WDFY3: variants seen among roughly 807,000 people sequenced by gnomAD.
WDFY3 encodes the protein WD repeat and FYVE domain-containing protein 3.
A neutral mutation model predicts 409.6 loss-of-function variants in WDFY3; 66 were observed. The ratio of observed to expected loss-of-function variants is 0.16; its 90% CI spans 0.13 to 0.20. The LOEUF is 0.20. Ranked by LOEUF, WDFY3 falls within the 10% of genes least tolerant of loss-of-function variation. The pLI is 1.00. For synonymous variants in WDFY3, 1,521 were observed against 1,537.1 expected (o/e 0.99, Z 0.25); for missense variants, 3,031 against 4,298.1 (o/e 0.71, Z 8.24).
rs1774424035 is a variant in WDFY3 at position 84,957,739 on chromosome 4, G to T, written c.-226+8470C>A. Among the ~76,000 whole-genome samples the T allele has an allele frequency of 2.6e-5, 4 of 152,180 alleles. 1 individual carries two copies. The East Asian group carries it at 5.8e-4, about 22-fold the overall frequency. On this transcript the variant is annotated intron_variant, in intron 1 of 67. Coordinates refer to ENST00000295888, the MANE Select transcript of WDFY3 (RefSeq NM_014991.6). ...TAAATAAATCAACTAGTACTTCCTT[G>T]TTCAACCAAATGAAACACATGAAGA...
At chr4:84,851,264 T>C (rs1560923971) in intron 4 of WDFY3, among the ~76,000 whole-genome samples, 2 of 152,122 alleles carry the variant, frequency 1.3e-5, no homozygotes, top group Non-Finnish European at 2.9e-5. Context: ...AAATTCTCTA[T>C]ATTCTAAGGC....
chr4:84,938,810 T>G (rs1424930454), intron 1 of WDFY3, among the ~76,000 whole-genome samples: 5 of 152,114 alleles, frequency 3.3e-5, no homozygotes, highest in African/African-American at 1.2e-4. Context: ...TACACACACA[T>G]GCACACATAC....
chr4:84,782,499 C>T (rs965889335), intron 25 of WDFY3, among the ~76,000 whole-genome samples: 2 of 152,102 alleles, frequency 1.3e-5, no homozygotes, highest in Admixed American at 6.5e-5. Context: ...TTAAGCACCA[C>T]ATGCATTAGG....
Position 84,821,256 on chromosome 4 carries a change from G to C in WDFY3, c.1419C>G (p.Ser473Arg). ...CAATAATGCTACAGTGATAAGAAGAGCTAGATTTTAAGAGGATACTGACAC... is the reference window on the plus strand; with the variant it reads ...CAATAATGCTACAGTGATAAGAAGACCTAGATTTTAAGAGGATACTGACAC... ...LISVSILLKS[S>R]SSYHCSIIAM... is the part of the protein sequence containing the mutation. The change falls in exon 11 of 68, where the codon AGC becomes AGG. Residue 473 changes from serine to arginine, a missense_variant. Physicochemically the swap from Ser to Arg is moderately radical, Grantham distance 110. Coordinates refer to ENST00000295888, the MANE Select transcript of WDFY3 (RefSeq NM_014991.6). 1 of 1,613,736 alleles carries C rather than the reference G, an allele frequency of 6.2e-7. No individual in the cohort carries two copies.
At chr4:84,752,417 G>A (rs1333390367) in intron 35 of WDFY3, among the ~76,000 whole-genome samples, 2 of 151,912 alleles carry the variant, frequency 1.3e-5, no homozygotes, top group Non-Finnish European at 2.9e-5. Context: ...TCAGGAGGGT[G>A]AGGCAGTAGA....
intron 30 of WDFY3, among the ~76,000 whole-genome samples, chr4:84,769,542 G>A (rs1056289484): frequency 1.6e-4 from 24 of 152,156 alleles, no homozygotes; most frequent in African/African-American, 5.8e-4. Flanking sequence ...AGCCTCCCGA[G>A]TAGCTGGGAC....
chr4:84,863,543 G>A (rs1338033516), intron 3 of WDFY3, among the ~76,000 whole-genome samples: 1 of 152,090 alleles, frequency 6.6e-6, no homozygotes, highest in Admixed American at 6.6e-5. Flanking sequence ...ATCTACTCAG[G>A]TGCTTTCTCA....
intron 4 of WDFY3, among the ~76,000 whole-genome samples, chr4:84,850,937 T>G (rs1243089334): frequency 1.8e-5 from 1 of 56,872 alleles, no homozygotes; most frequent in African/African-American, 5.7e-5. Flanking sequence ...TGTTTTTTTT[T>G]TTTTTTTTTT....
At position 84,702,708 on chromosome 4, in the gene WDFY3, A is replaced by AT. The variant is rs201673658; in HGVS notation, c.8443-203dup. On this transcript the variant is annotated intron_variant, in intron 55 of 67. Transcript: ENST00000295888. ...AATCCTTACAGAGGGTTCTCTCTGC[A>AT]TTTGTTTTTATAATCAAACTGAAAT... is the stretch of plus-strand genomic sequence containing the variant. 2.0e-5 allele frequency among the ~76,000 whole-genome samples: 3 copies of AT among 152,226 alleles called. No homozygotes were observed. The East Asian group carries it at 5.8e-4, about 29-fold the overall frequency.
intron 1 of WDFY3, among the ~76,000 whole-genome samples, chr4:84,946,738 T>A (rs114276188): frequency 0.037 from 5,567 of 152,220 alleles, 204 homozygotes; most frequent in Admixed American, 0.11. Flanking sequence ...CTATACATCA[T>A]AAGTCTGCAT....
chr4:84,753,408 A>G (rs1740878378), intron 35 of WDFY3, among the ~76,000 whole-genome samples: 1 of 151,256 alleles, frequency 6.6e-6, no homozygotes, highest in African/African-American at 2.5e-5. Context: ...GCGTAAAATA[A>G]ATGAATCAAC....
chr4:84,837,719 A>G (rs888779157), intron 6 of WDFY3, among the ~76,000 whole-genome samples: 8 of 152,176 alleles, frequency 5.3e-5, no homozygotes, highest in Non-Finnish European at 8.8e-5. Flanking sequence ...GTTAAGTATG[A>G]TATAATATTT....
intron 13 of WDFY3, among the ~76,000 whole-genome samples, chr4:84,816,063 T>C (rs1385299936): frequency 6.6e-6 from 1 of 152,146 alleles, no homozygotes; most frequent in Admixed American, 6.6e-5. Context: ...TTTGATCTCT[T>C]CTTTACTTTT....
chr4:84,705,585 G>A (rs1376144136), intron 53 of WDFY3, 74 bp from the exon 54 acceptor site: 1 of 1,183,890 alleles, frequency 8.4e-7, no homozygotes, highest in African/African-American at 1.5e-5. Flanking sequence ...TACAGTGGCT[G>A]TTGTGGATGA....
intron 66 of WDFY3, 130 bp from the exon 67 acceptor site, chr4:84,677,526 A>G (rs1431001901): frequency 1.4e-5 from 11 of 767,980 alleles, no homozygotes; most frequent in Non-Finnish European, 2.0e-5. Flanking sequence ...AGACCCCTTG[A>G]TTCACTCAGA....
chr4:84,696,682 T>G, intron 57 of WDFY3, 50 bp downstream of exon 57: 1 of 1,579,132 alleles, frequency 6.3e-7, no homozygotes, highest in Non-Finnish European at 8.7e-7. Flanking sequence ...TGTATTATGT[T>G]CAATGACCAA....
intron 54 of WDFY3, among the ~76,000 whole-genome samples, chr4:84,705,004 T>C (rs916918194): frequency 1.3e-5 from 2 of 152,156 alleles, no homozygotes; most frequent in Non-Finnish European, 1.5e-5. Flanking sequence ...TTTTAGAGTA[T>C]AGTAATTTTT....
chr4:84,712,893 GTATT>G (rs1459646097), intron 51 of WDFY3, among the ~76,000 whole-genome samples: 1 of 152,166 alleles, frequency 6.6e-6, no homozygotes, highest in Non-Finnish European at 1.5e-5. Flanking sequence ...ATAAAAACTT[GTATT>G]TAGAGTATAA....
chr4:84,746,716 T>C (rs1739514921), intron 36 of WDFY3, among the ~76,000 whole-genome samples: 1 of 152,164 alleles, frequency 6.6e-6, no homozygotes, highest in African/African-American at 2.4e-5. Context: ...CTCGGAGGTG[T>C]TCTTTTTCTT....
Sources: gnomAD v4.1 joint callset for allele counts (sites outside exome capture counted in the v4.1 genomes callset) on GRCh38, gnomAD v4.1.1 for gene constraint, MANE v1.5 for transcripts, NCBI Gene and HGNC (gene_info 2026-07-23, HGNC 2026-07-21) for gene names.